RIN2: variants seen among roughly 807,000 people sequenced by gnomAD.
The protein encoded by RIN2 is RAB5 interacting protein 2.
A neutral mutation model predicts 78.0 loss-of-function variants in RIN2; 36 were observed. The observed-to-expected ratio is 0.46, with a 90% confidence interval of 0.35 to 0.61. The LOEUF (loss-of-function observed/expected upper bound fraction) is 0.61, where lower values mean the gene tolerates loss of function less well. RIN2 is among the 20% of genes least tolerant of loss of function. The pLI is 0.00. For synonymous variants in RIN2, 466 were observed against 466.8 expected, an observed-to-expected ratio of 1.00 and a Z score of 0.02; for missense variants, 1,087 against 1,159.7, an observed-to-expected ratio of 0.94 and a Z score of 0.91.
At chr20:19,779,940 C>T (rs571128692) in intron 1 of RIN2, among the ~76,000 whole-genome samples, 14 of 152,142 alleles carry the variant, frequency 9.2e-5, no homozygotes, top group Non-Finnish European at 1.5e-4. Flanking sequence ...CCTAAAGAAG[C>T]GATATTATGG....
intron 2 of RIN2, 35 bp from the exon 3 acceptor site, chr20:19,889,531 G>A: frequency 1.3e-6 from 2 of 1,530,500 alleles, no homozygotes; most frequent in Non-Finnish European, 1.8e-6. Context: ...TTTCCTACAG[G>A]CTGGACTAAC....
At chr20:19,764,171 A>C (rs1293842346) in intron 1 of RIN2, among the ~76,000 whole-genome samples, 2 of 152,258 alleles carry the variant, frequency 1.3e-5, no homozygotes, top group Non-Finnish European at 2.9e-5. Context: ...AAATTTAAAA[A>C]AAGCTAGATT....
intron 2 of RIN2, among the ~76,000 whole-genome samples, chr20:19,846,981 A>C (rs115130350): frequency 6.6e-6 from 1 of 152,234 alleles, no homozygotes; most frequent in Non-Finnish European, 1.5e-5. Context: ...AAAAGACAAC[A>C]GAAATCCAGA....
intron 4 of RIN2, among the ~76,000 whole-genome samples, chr20:19,937,209 G>C (rs1179487001): frequency 6.6e-6 from 1 of 152,222 alleles, no homozygotes; most frequent in Non-Finnish European, 1.5e-5. Flanking sequence ...TTATTTCTAA[G>C]ATCAAGGAAA....
chr20:19,801,038 A>G (rs1283174035), intron 2 of RIN2, among the ~76,000 whole-genome samples: 2 of 152,210 alleles, frequency 1.3e-5, no homozygotes, highest in Non-Finnish European at 2.9e-5. Context: ...TCTCAGAGAA[A>G]GCAAACCCTT....
chr20:19,875,295 A>G (rs2037822305), intron 2 of RIN2, among the ~76,000 whole-genome samples: 1 of 152,042 alleles, frequency 6.6e-6, no homozygotes, highest in African/African-American at 2.4e-5. Context: ...AGTAGCTGGG[A>G]TTACAGGCGC....
intron 1 of RIN2, among the ~76,000 whole-genome samples, chr20:19,773,105 G>T (rs192004708): frequency 1.3e-5 from 2 of 152,292 alleles, no homozygotes; most frequent in Admixed American, 1.3e-4. Context: ...GCTGTTCCAG[G>T]CCTCCCGGCT....
chr20:19,931,433 A>C (rs896185157), intron 3 of RIN2, among the ~76,000 whole-genome samples: 9 of 152,296 alleles, frequency 5.9e-5, no homozygotes, highest in African/African-American at 2.2e-4. Context: ...GAGCTACCAC[A>C]TCTGGCCTAA....
At chr20:19,901,381 G>A (rs1409455226) in intron 3 of RIN2, among the ~76,000 whole-genome samples, 2 of 144,378 alleles carry the variant, frequency 1.4e-5, no homozygotes, top group South Asian at 2.2e-4. Context: ...ATCCTCAGAG[G>A]CAGGGTGACT....
chr20:19,787,611 C>G (rs1390534983), intron 1 of RIN2, among the ~76,000 whole-genome samples: 1 of 151,974 alleles, frequency 6.6e-6, no homozygotes, highest in African/African-American at 2.4e-5. Flanking sequence ...ATCTCTCATG[C>G]CTTTGTTGCC....
In RIN2 at chr20:19,910,015, G is replaced by A. The variant is rs562582146; in HGVS notation, c.57+20357G>A. ...CATCAACGCAGATTTTGAGGACAAG[G>A]CACAGAGCTGGCTGAACTTTTCAAA... On this transcript the variant is annotated intron_variant, in intron 3 of 12. Coordinates refer to ENST00000255006, the MANE Select transcript of RIN2 (RefSeq NM_018993.4). Among the ~76,000 whole-genome samples the A allele has an allele frequency of 1.9e-3, 294 of 152,310 alleles. 3 individuals are homozygous for A. The highest frequency in any genetic ancestry group is 2.9e-4 in the Non-Finnish European group (20 of 68,026).
intron 4 of RIN2, among the ~76,000 whole-genome samples, chr20:19,950,578 C>T (rs2146206953): frequency 6.6e-6 from 1 of 152,096 alleles, no homozygotes; most frequent in Non-Finnish European, 1.5e-5. Flanking sequence ...CACTTTCTTT[C>T]TTTCTTTCTT....
chr20:19,924,178 C>CT (rs2040064310), intron 3 of RIN2, among the ~76,000 whole-genome samples: 1 of 80,750 alleles, frequency 1.2e-5, no homozygotes, highest in Non-Finnish European at 2.3e-5. Flanking sequence ...CCTTCATACC[C>CT]ACACCTTCAT....
chr20:19,950,645 T>C (rs981820055), intron 4 of RIN2, among the ~76,000 whole-genome samples: 1 of 152,192 alleles, frequency 6.6e-6, no homozygotes, highest in South Asian at 2.1e-4. Context: ...ATGCATGTCC[T>C]AAGAATAAAA....
chr20:19,982,070 T>G (rs889277751), intron 9 of RIN2, among the ~76,000 whole-genome samples: 1 of 152,210 alleles, frequency 6.6e-6, no homozygotes, highest in African/African-American at 2.4e-5. Context: ...GACACTAGAC[T>G]GCAGGAACCC....
intron 2 of RIN2, among the ~76,000 whole-genome samples, chr20:19,867,081 A>G (rs893127943): frequency 1.3e-5 from 2 of 152,104 alleles, no homozygotes; most frequent in African/African-American, 2.4e-5. Flanking sequence ...GTTTGCAAGT[A>G]TAGTACAGAG....
intron 3 of RIN2, among the ~76,000 whole-genome samples, chr20:19,909,924 G>C (rs2039389525): frequency 1.3e-5 from 2 of 152,160 alleles, no homozygotes; most frequent in South Asian, 2.1e-4. Context: ...AGCCAGTCTT[G>C]AGCAGGAAAA....
At chr20:19,931,709 CT>C (rs57734791) in intron 3 of RIN2, among the ~76,000 whole-genome samples, 69,591 of 127,988 alleles carry the variant, frequency 0.54, 17,914 homozygotes, top group East Asian at 0.87. Context: ...CTCGATTTGC[CT>C]TTTTTTTTTT....
At chr20:19,969,029 C>T (rs1023575250) in intron 7 of RIN2, among the ~76,000 whole-genome samples, 1 of 152,120 alleles carries the variant, frequency 6.6e-6, no homozygotes, top group Non-Finnish European at 1.5e-5. Context: ...ATGGGCCTGA[C>T]CCCCAAGAAC....
Sources: gnomAD v4.1 joint callset for allele counts (sites outside exome capture counted in the v4.1 genomes callset) on GRCh38, gnomAD v4.1.1 for gene constraint, MANE v1.5 for transcripts, NCBI Gene and HGNC (gene_info 2026-07-23, HGNC 2026-07-21) for gene names.